SACS: variants seen among roughly 807,000 people sequenced by gnomAD.
The protein encoded by SACS is sacsin.
Under a neutral mutation model 348.0 loss-of-function variants are expected in SACS, and 197 were observed. The ratio of observed to expected loss-of-function variants is 0.57; its 90% CI spans 0.50 to 0.64. The LOEUF (loss-of-function observed/expected upper bound fraction) is 0.64, where lower values mean the gene tolerates loss of function less well. SACS is among the 30% of genes least tolerant of loss of function. SACS has a pLI of 0.00. For synonymous variants in SACS, 1,985 were observed against 1,910.6 expected (o/e 1.04, Z -1.02); for missense variants, 4,999 against 5,360.8 (o/e 0.93, Z 2.11).
At position 23,377,063 on chromosome 13, in the gene SACS, A is replaced by T. The variant is rs1176755984; in HGVS notation, c.21-1794T>A. On this transcript the variant is annotated intron_variant, in intron 2 of 9. Coordinates refer to ENST00000382292, the MANE Select transcript of SACS (RefSeq NM_014363.6). The stretch of plus-strand genomic sequence containing the variant: ...GTCACTGAAGACCACATGTTGTATG[A>T]TTCCATTTATATGACACGTCCAGAA... Among the ~76,000 whole-genome samples, 3 of 152,212 alleles carry T rather than the reference A, an allele frequency of 2.0e-5. No homozygotes were observed. The East Asian group carries it at 5.8e-4, about 29-fold the overall frequency.
intron 9 of SACS, among the ~76,000 whole-genome samples, chr13:23,351,891 C>T (rs1869983126): frequency 6.6e-6 from 1 of 151,944 alleles, no homozygotes. Flanking sequence ...CATTATGACA[C>T]CAAAATAACA....
At chr13:23,409,039 A>AGTTTTTTTTTTTTTTTTT (rs1474798713) in intron 2 of SACS, among the ~76,000 whole-genome samples, 1 of 66,814 alleles carries the variant, frequency 1.5e-5, no homozygotes, top group Non-Finnish European at 2.9e-5. Flanking sequence ...AACAAGTTTT[A>AGTTTTTTTTTTTTTTTTT]CTTTTTTTTT....
chr13:23,410,949 T>C (rs746120304), intron 2 of SACS, among the ~76,000 whole-genome samples: 49 of 152,220 alleles, frequency 3.2e-4, no homozygotes, highest in South Asian at 1.7e-3. Flanking sequence ...AAGGAGAAAA[T>C]GGGCTACATC....
At chr13:23,395,084 TTC>T (rs1252445343) in intron 2 of SACS, among the ~76,000 whole-genome samples, 6 of 152,140 alleles carry the variant, frequency 3.9e-5, no homozygotes, top group Non-Finnish European at 8.8e-5. Context: ...AGTCCTAGGC[TTC>T]TCTGTTCATT....
At chr13:23,426,638 TCAA>T (rs1566115073) in intron 1 of SACS, among the ~76,000 whole-genome samples, 10 of 56,270 alleles carry the variant, frequency 1.8e-4, no homozygotes, top group South Asian at 7.4e-4. Context: ...AGACTCCGTC[TCAA>T]AAAAAAAAAA....
chr13:23,388,167 T>C (rs969141172), intron 2 of SACS, among the ~76,000 whole-genome samples: 2 of 151,842 alleles, frequency 1.3e-5, no homozygotes, highest in Non-Finnish European at 2.9e-5. Flanking sequence ...CACAGCACAA[T>C]TCACAATTGC....
rs1883692630 is a variant in SACS, at chr13:23,334,363, G to C, written c.9513C>G (p.Pro3171=). 1 of 1,612,368 alleles carries C rather than the reference G, an allele frequency of 6.2e-7. No homozygotes were observed. The highest frequency in any genetic ancestry group is 8.5e-7 in the Non-Finnish European group (1 of 1,179,166). ...SVLQTFDAKR[P]KFLTTYHELI... ...ATTCATGATATGTTGTTAGAAACTT[G>C]GGTCGTTTTGCATCAAAAGTTTGCA... Residue 3171 remains proline (P), a synonymous_variant, in exon 10 of 10, where the codon CCC becomes CCG. Coordinates refer to ENST00000382292, the MANE Select transcript of SACS (RefSeq NM_014363.6).
intron 2 of SACS, among the ~76,000 whole-genome samples, chr13:23,406,888 T>TAGAAAA (rs112336128): frequency 0.011 from 1,645 of 152,358 alleles, 24 homozygotes; most frequent in African/African-American, 0.038. Flanking sequence ...TATGCTTCAA[T>TAGAAAA]CTACAGCACA....
intron 2 of SACS, among the ~76,000 whole-genome samples, chr13:23,402,320 G>C (rs1232144918): frequency 6.6e-6 from 1 of 152,128 alleles, no homozygotes; most frequent in Non-Finnish European, 1.5e-5. Flanking sequence ...TTTTTGTTTG[G>C]AATATTGCTG....
At chr13:23,375,057 C>G in intron 3 of SACS, 62 bp downstream of exon 3, 1 of 1,373,372 alleles carries the variant, frequency 7.3e-7, no homozygotes, top group Non-Finnish European at 9.4e-7. Flanking sequence ...ACCCCGGGCC[C>G]TCGACGCCCG....
rs192326346 is a variant in SACS at position 23,398,199 on chromosome 13, A to T, written c.20+13021T>A. 2.8e-4 allele frequency among the ~76,000 whole-genome samples: 43 copies of T among 151,628 alleles called. No homozygotes were observed. The East Asian group carries it at 7.6e-3, about 27-fold the overall frequency. On this transcript the variant is annotated intron_variant, in intron 2 of 9. Coordinates refer to ENST00000382292, the MANE Select transcript of SACS (RefSeq NM_014363.6). ...AGAGCGAAACTCCATCTCAAAAAAT[A>T]AAATAAAATTAAATTAAATTTTAAA...
intron 9 of SACS, 41 bp downstream of exon 9, chr13:23,353,744 T>C (rs777837553): frequency 3.5e-6 from 4 of 1,144,340 alleles, no homozygotes; most frequent in Non-Finnish European, 1.3e-6. Flanking sequence ...ACTTGTATTT[T>C]TATATAGAAG....
rs1869146335 is a variant in SACS at position 23,340,926 on chromosome 13, C to T, written c.2950G>A (p.Glu984Lys). 2 of 1,613,844 alleles carry T rather than the reference C, an allele frequency of 1.2e-6. No individual in the cohort carries two copies. Among genetic ancestry groups the T allele is most frequent in the Admixed American group, 1.7e-5 (1 of 59,998 alleles). ...TIRLANMLKI[E>K]QLKTTSCLKL... The stretch of plus-strand genomic sequence containing the variant: ...AAGCAGCTAGTGGTCTTTAACTGTT[C>T]TATTTTCAACATGTTTGCCAGACGA... The change falls in exon 10 of 10, where the codon GAA becomes AAA. Residue 984 changes from glutamate to lysine, a missense_variant. By Grantham distance (56) the Glu-to-Lys change is moderately conservative. This residue lies in a region of SACS where 3,156 missense variants were observed against 3,380.1 expected (regional missense o/e 0.93). Coordinates refer to ENST00000382292, the MANE Select transcript of SACS (RefSeq NM_014363.6).
chr13:23,433,210 T>G (rs1449930502), intron 1 of SACS, among the ~76,000 whole-genome samples: 3 of 152,142 alleles, frequency 2.0e-5, no homozygotes, highest in Non-Finnish European at 4.4e-5. Context: ...CCCCACGCTG[T>G]GTTACTGCAA....
At position 23,329,966 on chromosome 13, in the gene SACS, T is replaced by C. The variant is rs553854443; in HGVS notation, c.*170A>G. The C allele has an allele frequency of 1.1e-5, 7 of 653,256 alleles. No individual in the cohort carries two copies. The African/African-American group carries it at 1.3e-4, about 12-fold the overall frequency. The allele number at this position is 653,256 out of a possible 1,614,324, so 40.5% of individuals were successfully genotyped here. On this transcript the variant is annotated 3_prime_UTR_variant, in exon 10 of 10. Transcript: ENST00000382292. ...CAAAATAGTTTTCTTTTAGATTCAG[T>C]TAAGGTTTTCCGTTGGTATTCATGT...
intron 2 of SACS, among the ~76,000 whole-genome samples, chr13:23,393,073 C>T (rs566453143): frequency 1.3e-5 from 2 of 152,270 alleles, no homozygotes; most frequent in East Asian, 3.9e-4. Flanking sequence ...AGGGCAGTAA[C>T]GTCTTTCAGA....
At chr13:23,346,794 A>C in intron 9 of SACS, 3 of 981,620 alleles carry the variant, frequency 3.1e-6, no homozygotes, top group Non-Finnish European at 3.6e-6. Flanking sequence ...AATGAACACA[A>C]CATTCAGTTA....
chr13:23,391,244 CG>C (rs764051793), intron 2 of SACS, among the ~76,000 whole-genome samples: 3 of 152,180 alleles, frequency 2.0e-5, no homozygotes, highest in South Asian at 4.1e-4. Flanking sequence ...TCAAGAGGCA[CG>C]GAAGTCAGGC....
At chr13:23,375,533 CCGAGGAGCAGGCGGGGG>C (rs899134622) in intron 2 of SACS, 8 of 1,082,106 alleles carry the variant, frequency 7.4e-6, no homozygotes, top group Non-Finnish European at 7.8e-6. Context: ...GCCGCGGCGG[CCGAGGAGCAGGCGGGGG>C]CGGGGACTGC....
Sources: gnomAD v4.1 joint callset for allele counts (sites outside exome capture counted in the v4.1 genomes callset) on GRCh38, gnomAD v4.1.1 for gene constraint, gnomAD v4.1.1 regional missense constraint, MANE v1.5 for transcripts, NCBI Gene and HGNC (gene_info 2026-07-23, HGNC 2026-07-21) for gene names.